Variants in CDH8 observed in about 807,000 individuals in gnomAD.
CDH8 encodes cadherin-8.
In CDH8, 17 loss-of-function variants were observed where a neutral mutation model predicts 68.1. The ratio of observed to expected loss-of-function variants is 0.25; its 90% CI spans 0.17 to 0.37. The LOEUF (loss-of-function observed/expected upper bound fraction) is 0.37. CDH8 is among the 10% of genes least tolerant of loss of function. CDH8 has a pLI of 1.00. For missense variants in CDH8, 763 were observed against 999.3 expected, an observed-to-expected ratio of 0.76 and a Z score of 3.19; for synonymous variants, 372 against 365.1, an observed-to-expected ratio of 1.02 and a Z score of -0.21.
At chr16:62,030,933 G>A (rs1902310473) in intron 1 of CDH8, among the ~76,000 whole-genome samples, 1 of 152,150 alleles carries the variant, frequency 6.6e-6, no homozygotes, top group East Asian at 1.9e-4. Context: ...ATTCACATGA[G>A]GGTAAGGTGA....
chr16:61,918,098 TACTC>T (rs910458553), intron 2 of CDH8, among the ~76,000 whole-genome samples: 76 of 149,098 alleles, frequency 5.1e-4, no homozygotes, highest in African/African-American at 1.8e-3. Flanking sequence ...AACTCTTCAT[TACTC>T]ACTCTCAGGA....
chr16:61,700,983 C>A (rs1964418600), intron 10 of CDH8, among the ~76,000 whole-genome samples: 1 of 152,034 alleles, frequency 6.6e-6, no homozygotes, highest in African/African-American at 2.4e-5. Flanking sequence ...ACACACATAT[C>A]AAAAATATTA....
rs569628934 is a variant in CDH8, at chr16:61,811,017, C to T, written c.1277+6462G>A. 1.8e-3 allele frequency among the ~76,000 whole-genome samples: 209 copies of T among 115,826 alleles called. 1 individual carries two copies. Among genetic ancestry groups the T allele is most frequent in the Non-Finnish European group, 2.4e-3 (147 of 60,170 alleles). The allele number at this position is 115,826 out of a possible 152,430, so 76.0% of individuals were successfully genotyped here. A position where few individuals can be genotyped will look rare whatever the true frequency, so the allele number is the denominator to read the frequency against. On this transcript the variant is annotated intron_variant, in intron 7 of 11. Transcript: ENST00000577390. The stretch of plus-strand genomic sequence containing the variant: ...CCAGCCTGGGTGACAGAGTGAGACT[C>T]TGTCTCAAAAAAAAAAAAAAAAAAA...
chr16:61,919,409 A>G (rs1023037944), intron 2 of CDH8, among the ~76,000 whole-genome samples: 1 of 146,912 alleles, frequency 6.8e-6, no homozygotes, highest in Non-Finnish European at 1.5e-5. Flanking sequence ...AGAAGTTGGA[A>G]ACTTTGAAAA....
At position 61,910,002 on chromosome 16, in the gene CDH8, C is replaced by T. The variant is rs988955620; in HGVS notation, c.253-8529G>A. Among the ~76,000 whole-genome samples, 3 of 152,142 alleles carry T rather than the reference C, an allele frequency of 2.0e-5. No homozygotes were observed. In the South Asian group the frequency reaches 6.2e-4, roughly 32 times the overall value. ...ACATGTGTCAGCCCTATAGCAAATCCGTTGCTTGTAGCTAGACTCCAATAA... is the reference window on the plus strand; with the variant it reads ...ACATGTGTCAGCCCTATAGCAAATCTGTTGCTTGTAGCTAGACTCCAATAA... On this transcript the variant is annotated intron_variant, in intron 2 of 11. Transcript: ENST00000577390.
chr16:61,762,786 T>C (rs1279549814), intron 8 of CDH8, among the ~76,000 whole-genome samples: 1 of 152,180 alleles, frequency 6.6e-6, no homozygotes, highest in Non-Finnish European at 1.5e-5. Flanking sequence ...TAGAGCATTG[T>C]TACTTATAGC....
At chr16:61,950,229 A>G (rs1284080541) in intron 2 of CDH8, among the ~76,000 whole-genome samples, 2 of 152,184 alleles carry the variant, frequency 1.3e-5, no homozygotes, top group African/African-American at 4.8e-5. Context: ...TTTTGATCTC[A>G]AATGAATTTT....
chr16:61,766,650 C>CTGTTTGTT (rs35735694), intron 8 of CDH8, among the ~76,000 whole-genome samples: 19 of 151,006 alleles, frequency 1.3e-4, no homozygotes, highest in African/African-American at 4.6e-4. Flanking sequence ...CTGTCTATTT[C>CTGTTTGTT]TGTTTGTTTG....
At chr16:61,832,981 G>A (rs935538481) in intron 4 of CDH8, among the ~76,000 whole-genome samples, 1 of 151,532 alleles carries the variant, frequency 6.6e-6, no homozygotes, top group Non-Finnish European at 1.5e-5. Context: ...ACAGATCTGT[G>A]CTTAGAGAAT....
At chr16:61,780,133 C>CT (rs916008001) in intron 8 of CDH8, among the ~76,000 whole-genome samples, 1 of 152,066 alleles carries the variant, frequency 6.6e-6, no homozygotes, top group African/African-American at 2.4e-5. Flanking sequence ...CATCGAAGGG[C>CT]TTTTTTCAGT....
rs74400547 is a variant in CDH8 at position 61,893,033 on chromosome 16, C to T, written c.547+8146G>A. The stretch of plus-strand genomic sequence containing the variant: ...TTACCAAAAATGCTGCTTACAACAA[C>T]AGGAGTTTATTCTCTCAGAAGTCTG... On this transcript the variant is annotated intron_variant, in intron 3 of 11. Transcript: ENST00000577390. 9.2e-3 allele frequency among the ~76,000 whole-genome samples: 1,399 copies of T among 152,176 alleles called. 25 individuals carry two copies. The highest frequency in any genetic ancestry group is 0.031 in the African/African-American group (1,294 of 41,524).
At chr16:61,757,579 C>T (rs1350619306) in intron 8 of CDH8, among the ~76,000 whole-genome samples, 4 of 152,026 alleles carry the variant, frequency 2.6e-5, no homozygotes. Flanking sequence ...TGTGATAGAT[C>T]AATAGTATAT....
At chr16:61,795,907 C>T (rs16963959) in intron 7 of CDH8, among the ~76,000 whole-genome samples, 4,730 of 152,106 alleles carry the variant, frequency 0.031, 236 homozygotes, top group African/African-American at 0.11. Flanking sequence ...TTATACCTGG[C>T]CCTAGAGTTT....
intron 2 of CDH8, among the ~76,000 whole-genome samples, chr16:62,011,705 G>A (rs1901818208): frequency 1.3e-5 from 2 of 152,198 alleles, no homozygotes; most frequent in Admixed American, 6.5e-5. Context: ...AAGTCCAGGT[G>A]TACAGATGTT....
At position 61,687,591 on chromosome 16, in the gene CDH8, G is replaced by A. The variant is rs191147164; in HGVS notation, c.1654+26250C>T. Among the ~76,000 whole-genome samples, 932 of 152,052 alleles carry A rather than the reference G, an allele frequency of 6.1e-3. 8 individuals are homozygous for A. The highest frequency in any genetic ancestry group is 6.8e-3 in the Non-Finnish European group (463 of 67,936). On this transcript the variant is annotated intron_variant, in intron 10 of 11. Coordinates refer to ENST00000577390, the MANE Select transcript of CDH8 (RefSeq NM_001796.5). Reference sequence around the variant, plus strand: ...CAAGATGATACTAACAACGCCTTCAGCCCTCACACAAACCTTCCTGCCAGA... The same window carrying A: ...CAAGATGATACTAACAACGCCTTCAACCCTCACACAAACCTTCCTGCCAGA...
rs780542392 is a variant in CDH8 at position 61,857,173 on chromosome 16, A to G, written c.613T>C (p.Leu205=). The G allele has an allele frequency of 6.2e-7, 1 of 1,613,404 alleles. No homozygotes were observed. The highest frequency in any genetic ancestry group is 8.5e-7 in the Non-Finnish European group (1 of 1,179,476). The change falls in exon 4 of 12, where the codon TTG becomes CTG. Residue 205 remains leucine (L), a synonymous_variant. Coordinates refer to ENST00000577390, the MANE Select transcript of CDH8 (RefSeq NM_001796.5). ...TGCCCTTCCAATATACTATAAACCA[A>G]CTTTGCACTGTTTCCATAAACTGGG... ...DDPVYGNSAK[L]VYSILEGQPY... is the part of the protein sequence containing the mutation.
At chr16:61,885,125 T>C (rs1347136705) in intron 3 of CDH8, among the ~76,000 whole-genome samples, 2 of 152,190 alleles carry the variant, frequency 1.3e-5, no homozygotes, top group Admixed American at 1.3e-4. Flanking sequence ...TCATGCATTG[T>C]GTATGAGCCA....
Position 61,653,535 on chromosome 16 carries a change from G to C in CDH8, c.*73C>G. ...TGCCTCTAAAACAAATAGCCACATT[G>C]GTTGTATCTAAGGGGAGTGACCCTA... On this transcript the variant is annotated 3_prime_UTR_variant, in exon 12 of 12. Transcript: ENST00000577390. 6.6e-7 allele frequency: 1 copy of C among 1,516,692 alleles called. No homozygotes were observed. Among genetic ancestry groups the C allele is most frequent in the Middle Eastern group, 1.8e-4 (1 of 5,572 alleles). 94.0% of individuals were successfully genotyped at this position (1,516,692 alleles called of 1,614,324 possible). A position where few individuals can be genotyped will look rare whatever the true frequency, so the allele number is the denominator to read the frequency against.
chr16:61,795,147 C>T (rs1024893451), intron 7 of CDH8, among the ~76,000 whole-genome samples: 1 of 151,868 alleles, frequency 6.6e-6, no homozygotes, highest in African/African-American at 2.4e-5. Context: ...GATATAGGCC[C>T]TTTCTTTAAG....
Sources: gnomAD v4.1 joint callset for allele counts (sites outside exome capture counted in the v4.1 genomes callset) on GRCh38, gnomAD v4.1.1 for gene constraint, MANE v1.5 for transcripts, NCBI Gene and HGNC (gene_info 2026-07-23, HGNC 2026-07-21) for gene names.